The following PTPRG variants were observed in gnomAD, a reference collection of about 807,000 sequenced individuals.
PTPRG encodes protein tyrosine phosphatase receptor type G, also known as receptor-type tyrosine-protein phosphatase gamma.
Under a neutral mutation model 165.3 loss-of-function variants are expected in PTPRG, and 102 were observed. The observed-to-expected ratio is 0.62, with a 90% CI of 0.53 to 0.73. PTPRG has a LOEUF of 0.73. Among genes scored for constraint, PTPRG ranks in the 30% least tolerant of loss-of-function variants. The probability of loss-of-function intolerance (pLI) is 0.00; values close to 1 mark genes in which losing one functional copy is unlikely to be tolerated. For synonymous variants in PTPRG, 675 were observed against 669.5 expected, an observed-to-expected ratio of 1.01 and a Z score of -0.13; for missense variants, 1,866 against 1,861.4, an observed-to-expected ratio of 1.00 and a Z score of -0.05.
rs569994296 is a variant in PTPRG, at chr3:62,267,236, T to C, written c.2657-174T>C. Reference sequence around the variant, plus strand: ...ATCCTGAGAGCAGGAGATGTAGGAGTGGCTCTGTATTTTGGGATGGGTTTG... The same window carrying C: ...ATCCTGAGAGCAGGAGATGTAGGAGCGGCTCTGTATTTTGGGATGGGTTTG... On this transcript the variant is annotated intron_variant, in intron 17 of 29. Transcript: ENST00000474889. Among the ~76,000 whole-genome samples, 16 of 152,158 alleles carry C rather than the reference T, an allele frequency of 1.1e-4. No individual in the cohort carries two copies. The South Asian group carries it at 3.3e-3, about 32-fold the overall frequency.
chr3:61,846,524 C>T (rs1173316199), intron 2 of PTPRG, among the ~76,000 whole-genome samples: 3 of 152,168 alleles, frequency 2.0e-5, no homozygotes, highest in Non-Finnish European at 4.4e-5. Flanking sequence ...ACTTGGGCTT[C>T]CTCCTTGGGT....
At chr3:62,047,525 G>A (rs903871609) in intron 4 of PTPRG, among the ~76,000 whole-genome samples, 4 of 152,114 alleles carry the variant, frequency 2.6e-5, no homozygotes, top group Admixed American at 6.6e-5. Context: ...GCCTCCCAAA[G>A]TGCTAGGATT....
At chr3:61,889,045 T>G (rs1327496848) in intron 2 of PTPRG, among the ~76,000 whole-genome samples, 1 of 152,234 alleles carries the variant, frequency 6.6e-6, no homozygotes, top group African/African-American at 2.4e-5. Context: ...TTCTCAACTG[T>G]AAAGCTAATA....
chr3:62,272,875 G>A (rs1702111480), intron 21 of PTPRG, 71 bp from the exon 22 acceptor site: 2 of 1,412,820 alleles, frequency 1.4e-6, no homozygotes, highest in Non-Finnish European at 1.9e-6. Flanking sequence ...GTTTAGATTG[G>A]AATTTTTCGA....
intron 5 of PTPRG, among the ~76,000 whole-genome samples, chr3:62,110,356 T>A (rs192205326): frequency 2.6e-5 from 4 of 152,150 alleles, no homozygotes; most frequent in Non-Finnish European, 2.9e-5. Context: ...TGCTCAATAA[T>A]TGATTTTAGT....
At chr3:61,773,959 G>C (rs185871045) in intron 2 of PTPRG, among the ~76,000 whole-genome samples, 12 of 152,038 alleles carry the variant, frequency 7.9e-5, no homozygotes, top group Admixed American at 7.9e-4. Flanking sequence ...GTTTTTAATA[G>C]AGATGGGGTT....
At chr3:61,887,902 A>G (rs1449866129) in intron 2 of PTPRG, among the ~76,000 whole-genome samples, 1 of 152,170 alleles carries the variant, frequency 6.6e-6, no homozygotes, top group Admixed American at 6.5e-5. Context: ...TTAAAATCTA[A>G]TTTTTCACAG....
intron 12 of PTPRG, among the ~76,000 whole-genome samples, chr3:62,209,603 G>A (rs560026701): frequency 1.7e-4 from 26 of 152,264 alleles, no homozygotes; most frequent in East Asian, 7.7e-4. Context: ...AGTTTTGCTC[G>A]TCAGGTTTCT....
chr3:61,586,041 A>AC (rs1184643608), intron 1 of PTPRG, among the ~76,000 whole-genome samples: 2 of 152,228 alleles, frequency 1.3e-5, no homozygotes, highest in African/African-American at 4.8e-5. Context: ...AAGCCTCTGG[A>AC]CGGTTGAGAC....
chr3:62,133,120 G>A (rs760076263), intron 6 of PTPRG, among the ~76,000 whole-genome samples: 6 of 152,180 alleles, frequency 3.9e-5, no homozygotes, highest in Non-Finnish European at 5.9e-5. Context: ...AATGGAAAAG[G>A]CCAGGCTGCT....
intron 1 of PTPRG, among the ~76,000 whole-genome samples, chr3:61,588,534 C>A (rs536917380): frequency 6.6e-6 from 1 of 151,490 alleles, no homozygotes; most frequent in Admixed American, 6.6e-5. Flanking sequence ...CAACCTCCAC[C>A]TCCTGAGTTC....
chr3:62,113,432 C>T (rs1331848855), intron 5 of PTPRG, among the ~76,000 whole-genome samples: 2 of 152,152 alleles, frequency 1.3e-5, no homozygotes, highest in African/African-American at 2.4e-5. Flanking sequence ...ATAATTTAAT[C>T]ATTTATATAT....
At chr3:62,071,161 G>T (rs2661880) in intron 4 of PTPRG, among the ~76,000 whole-genome samples, 136,929 of 152,174 alleles carry the variant, frequency 0.9, 61,668 homozygotes, top group East Asian at 0.94. Context: ...CTATTGAGTC[G>T]TTCAGTAGAT....
intron 2 of PTPRG, among the ~76,000 whole-genome samples, chr3:61,766,245 A>G (rs537608230): frequency 5.3e-5 from 8 of 152,286 alleles, no homozygotes; most frequent in African/African-American, 1.9e-4. Flanking sequence ...ATTCCTATAC[A>G]GTTTCGAGCT....
chr3:61,564,985 T>C (rs1051922863), intron 1 of PTPRG, among the ~76,000 whole-genome samples: 4 of 152,218 alleles, frequency 2.6e-5, no homozygotes, highest in African/African-American at 9.6e-5. Context: ...ACATGAGGGA[T>C]AAAAATGCTT....
intron 2 of PTPRG, among the ~76,000 whole-genome samples, chr3:61,890,414 T>G (rs564891727): frequency 1.3e-5 from 1 of 79,860 alleles, no homozygotes; most frequent in Non-Finnish European, 2.6e-5. Context: ...TGTTCTTTGT[T>G]TTTTTTTTGT....
At chr3:61,811,873 A>G (rs561935713) in intron 2 of PTPRG, among the ~76,000 whole-genome samples, 8 of 152,300 alleles carry the variant, frequency 5.3e-5, no homozygotes, top group African/African-American at 1.9e-4. Flanking sequence ...CTCTGCCAGT[A>G]CCAGAATAAA....
intron 2 of PTPRG, among the ~76,000 whole-genome samples, chr3:61,780,657 C>T (rs947280374): frequency 2.0e-5 from 3 of 152,168 alleles, no homozygotes; most frequent in Non-Finnish European, 4.4e-5. Context: ...CCTAGTCAGT[C>T]CCTACTGATG....
chr3:62,006,050 G>A (rs2041291277), intron 4 of PTPRG, among the ~76,000 whole-genome samples: 1 of 152,044 alleles, frequency 6.6e-6, no homozygotes, highest in Admixed American at 6.6e-5. Flanking sequence ...GAATATTTCA[G>A]TTTTACATTT....
Sources: gnomAD v4.1 joint callset for allele counts (sites outside exome capture counted in the v4.1 genomes callset) on GRCh38, gnomAD v4.1.1 for gene constraint, MANE v1.5 for transcripts, NCBI Gene and HGNC (gene_info 2026-07-23, HGNC 2026-07-21) for gene names.